The following FER variants were observed in gnomAD, a reference collection of about 807,000 sequenced individuals.
FER encodes tyrosine-protein kinase Fer.
FER carries 63 observed loss-of-function variants against 111.0 expected under a neutral mutation model. The observed-to-expected ratio is 0.57, with a 90% CI of 0.46 to 0.70. FER has a LOEUF of 0.70. Among genes scored for constraint, FER ranks in the 30% least tolerant of loss-of-function variants. FER has a pLI of 0.00. For synonymous variants in FER, 327 were observed against 313.9 expected (o/e 1.04, Z -0.44); for missense variants, 914 against 954.0 (o/e 0.96, Z 0.55).
rs1391305495 is a variant in FER at position 109,192,596 on chromosome 5, T to C, written c.*5021T>C. Reference sequence around the variant, plus strand: ...TACCCAAAGCTTCTTTACATTTGCATTGGTTATATTTAATATTTCTTAAGC... The same window carrying C: ...TACCCAAAGCTTCTTTACATTTGCACTGGTTATATTTAATATTTCTTAAGC... On this transcript the variant is annotated 3_prime_UTR_variant, in exon 20 of 20. Transcript: ENST00000281092. 6.6e-6 allele frequency: 1 copy of C among 152,176 alleles called. No individual in the cohort carries two copies. The highest frequency in any genetic ancestry group is 1.5e-5 in the Non-Finnish European group (1 of 68,024). The allele number at this position is 152,176 out of a possible 1,614,324, so 9.4% of individuals were successfully genotyped here. A position where few individuals can be genotyped will look rare whatever the true frequency, so the allele number is the denominator to read the frequency against.
chr5:109,098,521 A>G (rs907699580), intron 16 of FER, among the ~76,000 whole-genome samples: 1 of 151,728 alleles, frequency 6.6e-6, no homozygotes, highest in Non-Finnish European at 1.5e-5. Flanking sequence ...CAAAAGCAGA[A>G]GGGTACACGT....
chr5:109,139,419 C>T (rs1037077778), intron 17 of FER, among the ~76,000 whole-genome samples: 5 of 144,466 alleles, frequency 3.5e-5, no homozygotes, highest in East Asian at 2.0e-4. Context: ...GGTGCGATCT[C>T]GGCTCACTGC....
At chr5:109,002,813 C>T (rs1273718882) in intron 13 of FER, among the ~76,000 whole-genome samples, 1 of 152,134 alleles carries the variant, frequency 6.6e-6, no homozygotes. Context: ...AGGATATGAA[C>T]AGACACTTCT....
chr5:108,796,418 A>G (rs1294999649), intron 2 of FER, among the ~76,000 whole-genome samples: 1 of 152,194 alleles, frequency 6.6e-6, no homozygotes, highest in East Asian at 1.9e-4. Context: ...CTTTATAATC[A>G]GCATGTGGTG....
At chr5:109,070,906 C>T (rs1157906582) in intron 16 of FER, among the ~76,000 whole-genome samples, 3 of 151,910 alleles carry the variant, frequency 2.0e-5, no homozygotes, top group African/African-American at 7.2e-5. Flanking sequence ...TGAAAATGGA[C>T]ATTTTTTAAA....
chr5:109,176,842 A>G (rs1236474379), intron 17 of FER, among the ~76,000 whole-genome samples: 1 of 152,248 alleles, frequency 6.6e-6, no homozygotes, highest in African/African-American at 2.4e-5. Flanking sequence ...GCCAAGGAGT[A>G]CACTTGGCCT....
chr5:108,763,944 C>T (rs181594286), intron 1 of FER, among the ~76,000 whole-genome samples: 1 of 152,286 alleles, frequency 6.6e-6, no homozygotes, highest in East Asian at 1.9e-4. Flanking sequence ...GCAACCTTGG[C>T]TGAAAGATGA....
At chr5:108,984,949 G>C (rs1009840456) in intron 13 of FER, among the ~76,000 whole-genome samples, 15 of 151,834 alleles carry the variant, frequency 9.9e-5, no homozygotes, top group African/African-American at 3.4e-4. Context: ...GACATTTAGA[G>C]GTTAGAAAAC....
chr5:108,955,031 C>A, intron 12 of FER, 99 bp downstream of exon 12: 1 of 1,027,854 alleles, frequency 9.7e-7, no homozygotes, highest in Non-Finnish European at 1.4e-6. Flanking sequence ...GCCTGCAACA[C>A]TTGAAATTTA....
chr5:109,168,642 G>A (rs982833311), intron 17 of FER, among the ~76,000 whole-genome samples: 4 of 152,004 alleles, frequency 2.6e-5, no homozygotes, highest in African/African-American at 9.7e-5. Flanking sequence ...ATCATAAACT[G>A]GCATGTATAA....
At chr5:108,860,018 T>C (rs1396025517) in intron 5 of FER, among the ~76,000 whole-genome samples, 1 of 151,536 alleles carries the variant, frequency 6.6e-6, no homozygotes, top group African/African-American at 2.4e-5. Flanking sequence ...CTCGGCTCAC[T>C]GCAACCTCCA....
rs189000731 is a variant in FER at position 109,092,538 on chromosome 5, G to A, written c.1925-7858G>A. On this transcript the variant is annotated intron_variant, in intron 16 of 19. Transcript: ENST00000281092. ...CTGTATAACTAAGTATCAGGACAATGCAATCAAAACCACAATAAGGTATTA... is the reference window on the plus strand; with the variant it reads ...CTGTATAACTAAGTATCAGGACAATACAATCAAAACCACAATAAGGTATTA... 3.5e-3 allele frequency among the ~76,000 whole-genome samples: 533 copies of A among 152,164 alleles called. 2 individuals are homozygous for A. The highest frequency in any genetic ancestry group is 0.012 in the African/African-American group (511 of 41,524).
intron 15 of FER, 107 bp from the exon 16 acceptor site, chr5:109,046,997 A>C: frequency 1.7e-6 from 1 of 571,662 alleles, no homozygotes; most frequent in Non-Finnish European, 3.0e-6. Context: ...AATTTTAAAA[A>C]TTGAATTATG....
intron 10 of FER, among the ~76,000 whole-genome samples, chr5:108,900,729 CTG>C (rs1749890216): frequency 6.6e-6 from 1 of 152,136 alleles, no homozygotes; most frequent in Admixed American, 6.6e-5. Flanking sequence ...CTTTAAGGAA[CTG>C]TACCATTGAA....
chr5:108,962,182 GA>G (rs1331833536), intron 13 of FER, among the ~76,000 whole-genome samples: 1 of 152,144 alleles, frequency 6.6e-6, no homozygotes, highest in Non-Finnish European at 1.5e-5. Context: ...GTGGGTGCCT[GA>G]GCCACCCATC....
At chr5:109,128,907 C>T (rs1752048324) in intron 17 of FER, among the ~76,000 whole-genome samples, 1 of 151,962 alleles carries the variant, frequency 6.6e-6, no homozygotes, top group South Asian at 2.1e-4. Context: ...AGAACTTTCC[C>T]ATGTATATGT....
intron 2 of FER, among the ~76,000 whole-genome samples, chr5:108,793,029 A>G (rs1213337327): frequency 1.3e-5 from 2 of 152,222 alleles, no homozygotes; most frequent in Non-Finnish European, 2.9e-5. Flanking sequence ...CAATTCAATT[A>G]TACAGCTTTA....
At chr5:109,037,170 A>T (rs1214521606) in intron 13 of FER, among the ~76,000 whole-genome samples, 2 of 152,092 alleles carry the variant, frequency 1.3e-5, no homozygotes, top group Non-Finnish European at 2.9e-5. Flanking sequence ...CTCTAATTAC[A>T]GAGATACTAT....
chr5:109,047,251 T>A, intron 16 of FER, 53 bp downstream of exon 16: 1 of 993,910 alleles, frequency 1.0e-6, no homozygotes, highest in Non-Finnish European at 1.6e-6. Context: ...CATGTTTTAT[T>A]GTTTTTATAT....
Sources: gnomAD v4.1 joint callset for allele counts (sites outside exome capture counted in the v4.1 genomes callset) on GRCh38, gnomAD v4.1.1 for gene constraint, MANE v1.5 for transcripts, NCBI Gene and HGNC (gene_info 2026-07-23, HGNC 2026-07-21) for gene names.